The following EHF variants were observed in gnomAD, a reference collection of about 807,000 sequenced individuals.
EHF encodes the protein ESE3 transcription factor.
In EHF, 14 loss-of-function variants were observed where a neutral mutation model predicts 45.1. The ratio of observed to expected loss-of-function variants is 0.31; its 90% CI spans 0.21 to 0.49. The LOEUF (loss-of-function observed/expected upper bound fraction) is 0.49, where lower values mean the gene tolerates loss of function less well. Ranked by LOEUF, EHF falls within the 20% of genes least tolerant of loss-of-function variation. The pLI, the probability that EHF is intolerant of heterozygous loss-of-function variation, is 0.99. For missense variants in EHF, 282 were observed against 371.4 expected (o/e 0.76, Z 1.98); for synonymous variants, 136 against 131.8 (o/e 1.03, Z -0.22).
chr11:34,637,663 A>G (rs193249017), intron 1 of EHF, among the ~76,000 whole-genome samples: 3 of 152,272 alleles, frequency 2.0e-5, no homozygotes, highest in African/African-American at 4.8e-5. Context: ...TCTTCAGTCT[A>G]TTGGGTAGCA....
chr11:34,650,817 C>T (rs1325646449), intron 4 of EHF, among the ~76,000 whole-genome samples: 2 of 152,070 alleles, frequency 1.3e-5, no homozygotes, highest in Admixed American at 6.6e-5. Context: ...AGGTGTTTAC[C>T]GCAGCACACA....
intron 1 of EHF, among the ~76,000 whole-genome samples, chr11:34,625,398 C>T (rs543402319): frequency 3.3e-5 from 5 of 152,252 alleles, no homozygotes; most frequent in Middle Eastern, 3.4e-3. Flanking sequence ...CAAAGCAGCC[C>T]GCCAGAAAAT....
At chr11:34,644,935 GAA>G (rs1165059199) in intron 2 of EHF, among the ~76,000 whole-genome samples, 1 of 152,210 alleles carries the variant, frequency 6.6e-6, no homozygotes, top group Non-Finnish European at 1.5e-5. Flanking sequence ...TGACCTTGAA[GAA>G]AAAGTTAGAG....
At chr11:34,649,358 G>T (rs1854913794) in intron 4 of EHF, among the ~76,000 whole-genome samples, 1 of 152,156 alleles carries the variant, frequency 6.6e-6, no homozygotes, top group African/African-American at 2.4e-5. Context: ...CAGGCCAGCA[G>T]CCAAGGAAAA....
rs963620468 is a variant in EHF at position 34,644,600 on chromosome 11, C to T, written c.98-1839C>T. On this transcript the variant is annotated intron_variant, in intron 2 of 8. Transcript: ENST00000257831. ...CCTCTGTGTGCTAGATAAACTTGAC[C>T]TCCTGCTCTTAGTGCTTCTGAGGTC... is the stretch of plus-strand genomic sequence containing the variant. Among the ~76,000 whole-genome samples, 3 of 152,180 alleles carry T rather than the reference C, an allele frequency of 2.0e-5. No individual in the cohort carries two copies. The East Asian group carries it at 5.8e-4, about 29-fold the overall frequency.
intron 1 of EHF, among the ~76,000 whole-genome samples, chr11:34,633,792 C>T (rs1214773971): frequency 6.6e-6 from 1 of 152,152 alleles, no homozygotes; most frequent in East Asian, 1.9e-4. Context: ...TCATCTTAGG[C>T]AAGCTTGTCT....
intron 2 of EHF, among the ~76,000 whole-genome samples, chr11:34,645,200 T>G (rs1410527664): frequency 2.0e-5 from 3 of 152,182 alleles, no homozygotes; most frequent in Non-Finnish European, 2.9e-5. Flanking sequence ...GCCGCAGAAC[T>G]TCGGGCAGAC....
At position 34,660,019 on chromosome 11, in the gene EHF, A is replaced by G. The variant is rs1181221325; in HGVS notation, c.*1088A>G. The G allele has an allele frequency of 2.6e-5, 4 of 152,162 alleles. No individual in the cohort carries two copies. The highest frequency in any genetic ancestry group is 7.2e-5 in the African/African-American group (3 of 41,460). 9.4% of individuals were successfully genotyped at this position (152,162 alleles called of 1,614,324 possible). On this transcript the variant is annotated 3_prime_UTR_variant, in exon 9 of 9. Coordinates refer to ENST00000257831, the MANE Select transcript of EHF (RefSeq NM_012153.6). Reference sequence around the variant, plus strand: ...TGAGAACCACCAGTTTAGCTAGTCAATATGAGGATGGTGGTTTATTCTCAG... The same window carrying G: ...TGAGAACCACCAGTTTAGCTAGTCAGTATGAGGATGGTGGTTTATTCTCAG...
chr11:34,643,264 C>A (rs545135647), intron 2 of EHF, among the ~76,000 whole-genome samples: 2 of 152,138 alleles, frequency 1.3e-5, no homozygotes, highest in South Asian at 4.2e-4. Flanking sequence ...GAAGAGGGGA[C>A]CTGGTGGTGG....
chr11:34,623,247 A>G (rs1247540497), intron 1 of EHF, among the ~76,000 whole-genome samples: 1 of 151,976 alleles, frequency 6.6e-6, no homozygotes, highest in Admixed American at 6.6e-5. Flanking sequence ...CACTATGCCC[A>G]GTTAAGTTTT....
intron 6 of EHF, among the ~76,000 whole-genome samples, chr11:34,656,053 T>TACACACAC (rs61484102): frequency 4.7e-5 from 7 of 149,548 alleles, no homozygotes; most frequent in African/African-American, 1.7e-4. Context: ...GTCCTCCCAA[T>TACACACAC]ACACACACAC....
At position 34,660,615 on chromosome 11, in the gene EHF, A is replaced by G. The variant is rs556739712; in HGVS notation, c.*1684A>G. The G allele has an allele frequency of 6.6e-6, 1 of 152,312 alleles. No homozygotes were observed. Among genetic ancestry groups the G allele is most frequent in the Admixed American group, 6.5e-5 (1 of 15,284 alleles). 9.4% of individuals were successfully genotyped at this position (152,312 alleles called of 1,614,324 possible). Reference sequence around the variant, plus strand: ...ATGCAATCTGGGAAGCACAGGAATAAGTAGACACTTTGAAAATGGATTTGA... The same window carrying G: ...ATGCAATCTGGGAAGCACAGGAATAGGTAGACACTTTGAAAATGGATTTGA... On this transcript the variant is annotated 3_prime_UTR_variant, in exon 9 of 9. Transcript: ENST00000257831.
intron 2 of EHF, among the ~76,000 whole-genome samples, chr11:34,646,169 A>G (rs1854514106): frequency 3.3e-5 from 5 of 151,918 alleles, no homozygotes; most frequent in African/African-American, 9.7e-5. Context: ...AATGATAGCA[A>G]TGCTCTAGCT....
chr11:34,626,398 T>C (rs911485623), intron 1 of EHF, among the ~76,000 whole-genome samples: 1 of 152,204 alleles, frequency 6.6e-6, no homozygotes, highest in Non-Finnish European at 1.5e-5. Context: ...ATTCCAGGCT[T>C]CTTCTTAGGA....
chr11:34,633,812 C>G (rs544933378), intron 1 of EHF, among the ~76,000 whole-genome samples: 1 of 152,242 alleles, frequency 6.6e-6, no homozygotes, highest in Admixed American at 6.5e-5. Context: ...TTTTGATCAA[C>G]TTGAGTGCCT....
chr11:34,632,081 T>A (rs1041943216), intron 1 of EHF, among the ~76,000 whole-genome samples: 5 of 152,172 alleles, frequency 3.3e-5, no homozygotes, highest in Non-Finnish European at 7.3e-5. Context: ...GGAGTGAAAA[T>A]GTAGCATCCA....
At position 34,622,433 on chromosome 11, in the gene EHF, A is replaced by G. The variant is rs531737265; in HGVS notation, c.-4+1205A>G. Reference sequence around the variant, plus strand: ...GCCATGGAGGTAAAGATGTGTTGATAGTCTTTCAATGTGTAAAAGGGCAAT... The same window carrying G: ...GCCATGGAGGTAAAGATGTGTTGATGGTCTTTCAATGTGTAAAAGGGCAAT... On this transcript the variant is annotated intron_variant, in intron 1 of 8. Transcript: ENST00000257831. The G allele has an allele frequency of 3.9e-6, 5 of 1,280,178 alleles. No individual in the cohort carries two copies. In the African/African-American group the frequency reaches 6.1e-5, roughly 16 times the overall value. The allele number at this position is 1,280,178 out of a possible 1,614,324, so 79.3% of individuals were successfully genotyped here. A position where few individuals can be genotyped will look rare whatever the true frequency, so the allele number is the denominator to read the frequency against.
At chr11:34,626,089 T>G (rs1014805016) in intron 1 of EHF, among the ~76,000 whole-genome samples, 4 of 152,278 alleles carry the variant, frequency 2.6e-5, no homozygotes, top group African/African-American at 9.6e-5. Context: ...TTTTTATCTT[T>G]GTATGACCTT....
At chr11:34,629,508 G>A (rs140583914) in intron 1 of EHF, among the ~76,000 whole-genome samples, 6 of 152,188 alleles carry the variant, frequency 3.9e-5, no homozygotes, top group South Asian at 2.1e-4. Flanking sequence ...AGGAGAGGTC[G>A]TCTAATTTGT....
Sources: allele counts gnomAD v4.1 joint callset (sites outside exome capture counted in the v4.1 genomes callset), GRCh38; gene constraint gnomAD v4.1.1; transcripts MANE v1.5; gene names NCBI Gene and HGNC (gene_info 2026-07-23, HGNC 2026-07-21).